RALGAPA2: variants seen among roughly 807,000 people sequenced by gnomAD.
The protein encoded by RALGAPA2 is Ral GTPase activating protein catalytic subunit alpha 2, also known as ral GTPase-activating protein subunit alpha-2.
In RALGAPA2, 139 loss-of-function variants were observed where a neutral mutation model predicts 230.4. The observed-to-expected ratio is 0.60, with a 90% CI of 0.53 to 0.69. The LOEUF (loss-of-function observed/expected upper bound fraction) is 0.69. RALGAPA2 is among the 30% of genes least tolerant of loss of function. The pLI is 0.00. For synonymous variants in RALGAPA2, 847 were observed against 837.8 expected, an observed-to-expected ratio of 1.01 and a Z score of -0.19; for missense variants, 2,163 against 2,276.0, an observed-to-expected ratio of 0.95 and a Z score of 1.01.
intron 38 of RALGAPA2, among the ~76,000 whole-genome samples, chr20:20,403,072 T>G (rs2059880559): frequency 6.6e-6 from 1 of 152,104 alleles, no homozygotes; most frequent in African/African-American, 2.4e-5. Flanking sequence ...TCTGACCCCC[T>G]ATTTTAAAGT....
chr20:20,505,829 C>T (rs554363665), intron 33 of RALGAPA2, among the ~76,000 whole-genome samples: 74 of 152,302 alleles, frequency 4.9e-4, no homozygotes, highest in African/African-American at 1.7e-3. Flanking sequence ...GCAAGGCCAT[C>T]TGCTTCCTGA....
chr20:20,648,371 G>A (rs2146568568), intron 4 of RALGAPA2, among the ~76,000 whole-genome samples: 1 of 152,048 alleles, frequency 6.6e-6, no homozygotes, highest in African/African-American at 2.4e-5. Flanking sequence ...GGGAGAGCGG[G>A]ATTACCAAGG....
chr20:20,701,677 T>C (rs972613004), intron 1 of RALGAPA2, among the ~76,000 whole-genome samples: 6 of 148,128 alleles, frequency 4.1e-5, no homozygotes, highest in African/African-American at 1.5e-4. Flanking sequence ...TTGCAGTGAG[T>C]GGAGATTGTG....
chr20:20,653,195 C>CAAAAAAAAAAAAAAAA lies in RALGAPA2; in HGVS notation c.328+319_328+334dup, dbSNP rs60906434. 4.4e-4 allele frequency among the ~76,000 whole-genome samples: 12 copies of CAAAAAAAAAAAAAAAA among 27,528 alleles called. 1 individual carries two copies. Among genetic ancestry groups the CAAAAAAAAAAAAAAAA allele is most frequent in the Non-Finnish European group, 6.1e-4 (8 of 13,036 alleles). 18.1% of individuals were successfully genotyped at this position (27,528 alleles called of 152,430 possible). Reference sequence around the variant, plus strand: ...TAGGCGACAGAGCAAGACTCCATCTCAAAAAAAAAAAAAAAAAAAAAAAAA... The same window carrying CAAAAAAAAAAAAAAAA: ...TAGGCGACAGAGCAAGACTCCATCTCAAAAAAAAAAAAAAAAAAAAAAAAAAAAAAAAAAAAAAAAA... On this transcript the variant is annotated intron_variant, in intron 4 of 39. Coordinates refer to ENST00000202677, the MANE Select transcript of RALGAPA2 (RefSeq NM_020343.4).
intron 31 of RALGAPA2, among the ~76,000 whole-genome samples, chr20:20,516,749 G>T (rs1354038230): frequency 1.3e-5 from 2 of 152,198 alleles, no homozygotes; most frequent in Non-Finnish European, 2.9e-5. Flanking sequence ...CCTGGAGTGT[G>T]GCAGCCCCAC....
At chr20:20,419,143 TG>T (rs2060225588) in intron 37 of RALGAPA2, among the ~76,000 whole-genome samples, 1 of 152,174 alleles carries the variant, frequency 6.6e-6, no homozygotes, top group South Asian at 2.1e-4. Flanking sequence ...GGATTACCTC[TG>T]GGGTGTGGAG....
At chr20:20,672,296 C>CA (rs1419703920) in intron 3 of RALGAPA2, among the ~76,000 whole-genome samples, 1 of 151,222 alleles carries the variant, frequency 6.6e-6, no homozygotes, top group Non-Finnish European at 1.5e-5. Context: ...ACAAAATATG[C>CA]AAAAAAAGAA....
chr20:20,507,430 C>T (rs1004893260), intron 33 of RALGAPA2, among the ~76,000 whole-genome samples: 6 of 152,210 alleles, frequency 3.9e-5, no homozygotes, highest in Non-Finnish European at 5.9e-5. Context: ...GCAACCTCCA[C>T]CTCCTGTGTT....
At chr20:20,465,709 ACCTTCGCACTTCTCACGGGCCTCATTTCC>A (rs2061407149) in intron 37 of RALGAPA2, among the ~76,000 whole-genome samples, 1 of 152,116 alleles carries the variant, frequency 6.6e-6, no homozygotes, top group Admixed American at 6.5e-5. Flanking sequence ...TTTCTCCTGC[ACCTTCGCACTTCTCACGGGCCTCATTTCC>A]ATGCACCAAG....
chr20:20,433,632 C>G (rs74346428), intron 37 of RALGAPA2, among the ~76,000 whole-genome samples: 4,154 of 152,174 alleles, frequency 0.027, 125 homozygotes, highest in East Asian at 0.14. Context: ...AGTATAAGTA[C>G]TCCCCAAACA....
chr20:20,536,846 G>C, intron 24 of RALGAPA2, 62 bp from the exon 25 acceptor site: 1 of 1,531,054 alleles, frequency 6.5e-7, no homozygotes, highest in Non-Finnish European at 8.9e-7. Context: ...CGTTAAATAA[G>C]TGACATGTTT....
intron 36 of RALGAPA2, among the ~76,000 whole-genome samples, chr20:20,478,347 G>A (rs2061696309): frequency 6.6e-6 from 1 of 152,062 alleles, no homozygotes; most frequent in Non-Finnish European, 1.5e-5. Flanking sequence ...CCCATCTCAA[G>A]AAGTACTGAA....
chr20:20,424,576 A>G (rs938792910), intron 37 of RALGAPA2, among the ~76,000 whole-genome samples: 2 of 152,220 alleles, frequency 1.3e-5, no homozygotes, highest in Non-Finnish European at 2.9e-5. Flanking sequence ...ATATGTTAGA[A>G]GCTAAAAAAT....
intron 12 of RALGAPA2, 61 bp downstream of exon 12, chr20:20,619,216 A>G (rs1333736924): frequency 2.1e-6 from 3 of 1,445,040 alleles, no homozygotes; most frequent in Admixed American, 4.3e-5. Flanking sequence ...ATAAACAAAA[A>G]GACAAAATGG....
chr20:20,520,059 T>C (rs145254012), intron 31 of RALGAPA2, among the ~76,000 whole-genome samples: 227 of 152,246 alleles, frequency 1.5e-3, no homozygotes, highest in African/African-American at 5.1e-3. Context: ...CTTCTAATTT[T>C]TAGTGTTGAG....
intron 36 of RALGAPA2, among the ~76,000 whole-genome samples, chr20:20,489,761 G>C (rs1388532915): frequency 6.6e-6 from 1 of 152,202 alleles, no homozygotes; most frequent in Non-Finnish European, 1.5e-5. Context: ...GTGTGCACCT[G>C]TGTGCAGGAA....
At chr20:20,448,509 C>T (rs2060915524) in intron 37 of RALGAPA2, among the ~76,000 whole-genome samples, 1 of 152,114 alleles carries the variant, frequency 6.6e-6, no homozygotes, top group Non-Finnish European at 1.5e-5. Context: ...AATTTTAGAA[C>T]ACACTAATAA....
intron 3 of RALGAPA2, among the ~76,000 whole-genome samples, chr20:20,659,375 CTT>C (rs2067693856): frequency 6.6e-6 from 1 of 152,324 alleles, no homozygotes; most frequent in East Asian, 1.9e-4. Context: ...GCCTTGAACA[CTT>C]TCTCATTAAC....
At chr20:20,577,443 C>T (rs6075676) in intron 20 of RALGAPA2, among the ~76,000 whole-genome samples, 6 of 152,114 alleles carry the variant, frequency 3.9e-5, no homozygotes, top group African/African-American at 1.4e-4. Context: ...GAGGAAAACA[C>T]ACCTGTAGTT....
Sources: gnomAD v4.1 joint callset for allele counts (sites outside exome capture counted in the v4.1 genomes callset) on GRCh38, gnomAD v4.1.1 for gene constraint, MANE v1.5 for transcripts, NCBI Gene and HGNC (gene_info 2026-07-23, HGNC 2026-07-21) for gene names.